The following RBL1 variants were observed in gnomAD, a reference collection of about 807,000 sequenced individuals.
RBL1 encodes retinoblastoma-like protein 1.
Under a neutral mutation model 123.0 loss-of-function variants are expected in RBL1, and 82 were observed. That is an observed-to-expected ratio of 0.67 (90% confidence interval 0.56 to 0.80). The LOEUF (loss-of-function observed/expected upper bound fraction) is 0.80. Among genes scored for constraint, RBL1 ranks in the 30% least tolerant of loss-of-function variants. RBL1 has a pLI of 0.00. For missense variants in RBL1, 1,171 were observed against 1,299.6 expected, an observed-to-expected ratio of 0.90 and a Z score of 1.52; for synonymous variants, 405 against 441.3, an observed-to-expected ratio of 0.92 and a Z score of 1.03.
intron 19 of RBL1, among the ~76,000 whole-genome samples, chr20:37,013,063 G>A (rs1452416235): frequency 2.6e-5 from 4 of 152,082 alleles, no homozygotes; most frequent in South Asian, 2.1e-4. Flanking sequence ...CCCTCTGCCC[G>A]GCCACCACCC....
chr20:37,068,078 A>G lies in RBL1; in HGVS notation c.399T>C (p.Thr133=). The change falls in exon 3 of 22, where the codon ACT becomes ACC. Residue 133 remains threonine, a synonymous_variant. Coordinates refer to ENST00000373664, the MANE Select transcript of RBL1 (RefSeq NM_002895.5). Reference sequence around the variant, plus strand: ...TTGGCTCATATTTTTTGAATATTACAGTAGACACCTCAAAATTTCTCTCTA... The same window carrying G: ...TTGGCTCATATTTTTTGAATATTACGGTAGACACCTCAAAATTTCTCTCTA... The part of the protein sequence containing the change: ...ERLERNFEVS[T]VIFKKYEPIF... 1 of 1,613,786 alleles carries G rather than the reference A, an allele frequency of 6.2e-7. No individual in the cohort carries two copies. The highest frequency in any genetic ancestry group is 8.5e-7 in the Non-Finnish European group (1 of 1,179,924).
chr20:37,007,453 C>T lies in RBL1; in HGVS notation c.2829G>A (p.Lys943=), dbSNP rs1472845341. 1.3e-6 allele frequency: 2 copies of T among 1,583,480 alleles called. No individual in the cohort carries two copies. The highest frequency in any genetic ancestry group is 1.7e-6 in the Non-Finnish European group (2 of 1,154,994). ...CCAAGTCGTATTTCAGTGCAAATGA[C>T]TTCACTCTTCCTACATATATTGTAT... ...FYNTIYVGRV[K]SFALKYDLAN... The change falls in exon 20 of 22, where the codon AAG becomes AAA. Residue 943 remains lysine (K), a synonymous_variant. Transcript: ENST00000373664.
chr20:37,095,026 T>C (rs1219344168), intron 1 of RBL1, among the ~76,000 whole-genome samples: 1 of 152,184 alleles, frequency 6.6e-6, no homozygotes, highest in Non-Finnish European at 1.5e-5. Flanking sequence ...CTCATTGCCA[T>C]GCCATGTTCA....
At chr20:37,055,031 T>G (rs914626581) in intron 11 of RBL1, among the ~76,000 whole-genome samples, 5 of 152,068 alleles carry the variant, frequency 3.3e-5, no homozygotes, top group African/African-American at 1.2e-4. Flanking sequence ...CTGTTCCTAT[T>G]GGGATAGAAA....
At chr20:37,021,873 T>C (rs1420878768) in intron 17 of RBL1, 1 of 177,352 alleles carries the variant, frequency 5.6e-6, no homozygotes, top group African/African-American at 2.4e-5. Context: ...CTTTCCAGTA[T>C]TTCTTGTATT....
intron 11 of RBL1, among the ~76,000 whole-genome samples, chr20:37,052,212 T>C (rs1215682327): frequency 1.3e-5 from 2 of 151,074 alleles, no homozygotes; most frequent in Admixed American, 6.6e-5. Flanking sequence ...GTTGTATTTT[T>C]AGTAGAGATG....
At chr20:37,092,762 G>C (rs1361982598) in intron 1 of RBL1, among the ~76,000 whole-genome samples, 3 of 152,118 alleles carry the variant, frequency 2.0e-5, no homozygotes, top group African/African-American at 7.2e-5. Flanking sequence ...AAAGTGCTGG[G>C]ATTATAGGTG....
chr20:37,047,222 T>C lies in RBL1; in HGVS notation c.1468-32A>G, dbSNP rs779562552. 6 of 1,560,912 alleles carry C rather than the reference T, an allele frequency of 3.8e-6. No individual in the cohort carries two copies. In the African/African-American group the frequency reaches 7.0e-5, roughly 18 times the overall value. On this transcript the variant is annotated intron_variant, in intron 11 of 21. Coordinates refer to ENST00000373664, the MANE Select transcript of RBL1 (RefSeq NM_002895.5). ...GAAGAGAAAGACCACAGTTTAATAT[T>C]TTTCAGCAATTTCAGTCTTTGCCAT...
At chr20:37,038,651 G>A (rs528064404) in intron 14 of RBL1, among the ~76,000 whole-genome samples, 3 of 141,796 alleles carry the variant, frequency 2.1e-5, no homozygotes, top group South Asian at 4.5e-4. Flanking sequence ...CCGCCAGGCT[G>A]GGGTCCAGTG....
intron 19 of RBL1, among the ~76,000 whole-genome samples, chr20:37,008,211 C>T (rs953027924): frequency 6.6e-6 from 1 of 152,156 alleles, no homozygotes; most frequent in African/African-American, 2.4e-5. Flanking sequence ...AGTGGCAAAC[C>T]TCAGCTTCAG....
chr20:37,031,325 A>C (rs189801632), intron 16 of RBL1, among the ~76,000 whole-genome samples: 31 of 152,278 alleles, frequency 2.0e-4, no homozygotes, highest in African/African-American at 7.5e-4. Context: ...GAATACATAA[A>C]GAACTCCTAC....
In RBL1 at chr20:37,054,774, G is replaced by A. The variant is rs770469182; in HGVS notation, c.1467+779C>T. Among the ~76,000 whole-genome samples the A allele has an allele frequency of 1.3e-4, 20 of 152,060 alleles. 1 individual carries two copies. Among genetic ancestry groups the A allele is most frequent in the Non-Finnish European group, 5.9e-5 (4 of 68,000 alleles). On this transcript the variant is annotated intron_variant, in intron 11 of 21. Transcript: ENST00000373664. ...GAACCCAGGAGATGGAGGTTGCAGTGAGCCGAGATCGTGCCACTGCACTCC... is the reference window on the plus strand; with the variant it reads ...GAACCCAGGAGATGGAGGTTGCAGTAAGCCGAGATCGTGCCACTGCACTCC...
At chr20:37,075,563 C>A (rs2065350673) in intron 2 of RBL1, among the ~76,000 whole-genome samples, 1 of 152,022 alleles carries the variant, frequency 6.6e-6, no homozygotes, top group Non-Finnish European at 1.5e-5. Context: ...TCAAGTGATT[C>A]TCCTCCCTCA....
intron 1 of RBL1, 29 bp from the exon 2 acceptor site, chr20:37,089,151 A>T: frequency 6.4e-7 from 1 of 1,560,112 alleles, no homozygotes; most frequent in Non-Finnish European, 8.7e-7. Flanking sequence ...ACAGCAAAAC[A>T]GGTATAATAT....
At chr20:37,061,324 G>A (rs577828155) in intron 8 of RBL1, 55 bp from the exon 9 acceptor site, 131 of 1,582,234 alleles carry the variant, frequency 8.3e-5, no homozygotes, top group Non-Finnish European at 1.0e-4. Flanking sequence ...TCCTTATTAT[G>A]TGTTTAATTC....
intron 9 of RBL1, 126 bp downstream of exon 9, chr20:37,060,977 A>G (rs1327733285): frequency 1.9e-6 from 2 of 1,049,544 alleles, no homozygotes; most frequent in African/African-American, 3.2e-5. Flanking sequence ...TGTGATTGAA[A>G]TGGTATAGTA....
chr20:37,045,704 A>G (rs1398033351), intron 12 of RBL1, among the ~76,000 whole-genome samples: 1 of 152,222 alleles, frequency 6.6e-6, no homozygotes, highest in East Asian at 1.9e-4. Flanking sequence ...AGTTGAATAC[A>G]CACATTAACA....
chr20:37,057,652 G>GA (rs2065030727), intron 9 of RBL1, among the ~76,000 whole-genome samples: 1 of 151,768 alleles, frequency 6.6e-6, no homozygotes, highest in Admixed American at 6.6e-5. Context: ...TCTATAGGTT[G>GA]TTTTTTTTAC....
intron 15 of RBL1, among the ~76,000 whole-genome samples, chr20:37,033,336 C>A (rs2064545935): frequency 6.6e-6 from 1 of 151,796 alleles, no homozygotes; most frequent in Non-Finnish European, 1.5e-5. Context: ...CACATGCTAC[C>A]ACACCCGGCT....
Sources: allele counts gnomAD v4.1 joint callset (sites outside exome capture counted in the v4.1 genomes callset), GRCh38; gene constraint gnomAD v4.1.1; transcripts MANE v1.5; gene names NCBI Gene and HGNC (gene_info 2026-07-23, HGNC 2026-07-21).